PCSK2: variants seen among roughly 807,000 people sequenced by gnomAD.
PCSK2 encodes proprotein convertase subtilisin/kexin type 2.
PCSK2 carries 14 observed loss-of-function variants against 69.7 expected under a neutral mutation model. That is an observed-to-expected ratio of 0.20 (90% confidence interval 0.13 to 0.31). PCSK2 has a LOEUF of 0.31. Ranked by LOEUF, PCSK2 falls within the 10% of genes least tolerant of loss-of-function variation. PCSK2 has a pLI of 1.00. For missense variants in PCSK2, 544 were observed against 842.5 expected (o/e 0.65, Z 4.39); for synonymous variants, 307 against 320.7 (o/e 0.96, Z 0.46).
intron 5 of PCSK2, among the ~76,000 whole-genome samples, chr20:17,386,031 A>T (rs528074518): frequency 6.6e-6 from 1 of 152,350 alleles, no homozygotes; most frequent in East Asian, 1.9e-4. Context: ...ATGTGCACTG[A>T]TATGCTCAAA....
intron 5 of PCSK2, among the ~76,000 whole-genome samples, chr20:17,387,939 C>A (rs183103070): frequency 6.6e-6 from 1 of 152,250 alleles, no homozygotes; most frequent in Admixed American, 6.5e-5. Context: ...ATATGGAGAA[C>A]CAGATCTGGG....
intron 2 of PCSK2, among the ~76,000 whole-genome samples, chr20:17,305,945 A>G (rs755957838): frequency 6.6e-6 from 1 of 152,240 alleles, no homozygotes; most frequent in Non-Finnish European, 1.5e-5. Flanking sequence ...ACTGTTAGGC[A>G]TTCGCATTGT....
chr20:17,335,427 T>TTGTGTGTGTGTGAG (rs1555789119), intron 2 of PCSK2, among the ~76,000 whole-genome samples: 5 of 139,192 alleles, frequency 3.6e-5, no homozygotes, highest in Non-Finnish European at 7.7e-5. Context: ...CAGCATCACT[T>TTGTGTGTGTGTGAG]TGTGTGTGTG....
At chr20:17,363,764 C>T (rs553964456) in intron 4 of PCSK2, among the ~76,000 whole-genome samples, 3 of 152,292 alleles carry the variant, frequency 2.0e-5, no homozygotes, top group South Asian at 4.1e-4. Flanking sequence ...GTAAAAACGA[C>T]GAACATTTAT....
chr20:17,413,156 G>C (rs60315018), intron 6 of PCSK2, among the ~76,000 whole-genome samples: 1 of 152,124 alleles, frequency 6.6e-6, no homozygotes, highest in Non-Finnish European at 1.5e-5. Context: ...ACATCATAAT[G>C]ACAGAATCAA....
chr20:17,419,890 G>A (rs931973290), intron 6 of PCSK2, among the ~76,000 whole-genome samples: 1 of 152,156 alleles, frequency 6.6e-6, no homozygotes, highest in East Asian at 1.9e-4. Context: ...CATTGGGGAC[G>A]CAGCATACTC....
rs17776501 is a variant in PCSK2, at chr20:17,342,303, C to T, written c.283-16024C>T. 7.3e-3 allele frequency among the ~76,000 whole-genome samples: 1,110 copies of T among 152,218 alleles called. 7 individuals are homozygous for T. Among genetic ancestry groups the T allele is most frequent in the Non-Finnish European group, 0.01 (681 of 68,008 alleles). The stretch of plus-strand genomic sequence containing the variant: ...ATTTAGTGTTAAGCAATCTATAACG[C>T]TCTTGTTTGTTTCTTTGCTTGTTTG... On this transcript the variant is annotated intron_variant, in intron 2 of 11. Transcript: ENST00000262545.
In PCSK2 at chr20:17,436,847, G is replaced by C; in HGVS notation, c.849G>C (p.Glu283Asp). 6.2e-7 allele frequency: 1 copy of C among 1,613,524 alleles called. No individual in the cohort carries two copies. Among genetic ancestry groups the C allele is most frequent in the Non-Finnish European group, 8.5e-7 (1 of 1,179,922 alleles). ...DNGKTVDGPR[E>D]LTLQAMADGV... ...GCAAGACAGTGGATGGGCCCCGGGA[G>C]CTCACGCTGCAGGCCATGGCCGATG... Residue 283 changes from glutamate to aspartate, a missense_variant, in exon 8 of 12, where the codon GAG (glutamate) becomes GAC (aspartate). Physicochemically the swap from Glu to Asp is conservative, Grantham distance 45 (BLOSUM62 2). Coordinates refer to ENST00000262545, the MANE Select transcript of PCSK2 (RefSeq NM_002594.5).
intron 2 of PCSK2, among the ~76,000 whole-genome samples, chr20:17,300,617 G>T (rs1989048760): frequency 6.6e-6 from 1 of 152,188 alleles, no homozygotes; most frequent in South Asian, 2.1e-4. Flanking sequence ...GAAGTAGAAA[G>T]GTGGTCAAGG....
At chr20:17,472,783 T>A (rs1483643331) in intron 11 of PCSK2, among the ~76,000 whole-genome samples, 1 of 152,176 alleles carries the variant, frequency 6.6e-6, no homozygotes, top group Non-Finnish European at 1.5e-5. Flanking sequence ...GCCAGGCTGG[T>A]GTCGAGCTCC....
intron 8 of PCSK2, among the ~76,000 whole-genome samples, chr20:17,439,132 T>C (rs916495476): frequency 2.0e-5 from 3 of 152,064 alleles, no homozygotes; most frequent in Non-Finnish European, 2.9e-5. Flanking sequence ...CTAGGTTTTC[T>C]TCTACCTTTT....
chr20:17,408,473 G>C lies in PCSK2; in HGVS notation c.544-790G>C, dbSNP rs1600555902. 2.0e-5 allele frequency among the ~76,000 whole-genome samples: 3 copies of C among 152,240 alleles called. No homozygotes were observed. The East Asian group carries it at 5.8e-4, about 29-fold the overall frequency. ...TTTTATGTGGGGAAAGATTCTCAGTGGGAAAAAGGAAGGTGCTGGATGACA... is the reference window on the plus strand; with the variant it reads ...TTTTATGTGGGGAAAGATTCTCAGTCGGAAAAAGGAAGGTGCTGGATGACA... On this transcript the variant is annotated intron_variant, in intron 5 of 11. Transcript: ENST00000262545.
At chr20:17,247,568 G>T (rs924765095) in intron 1 of PCSK2, among the ~76,000 whole-genome samples, 1 of 152,196 alleles carries the variant, frequency 6.6e-6, no homozygotes, top group African/African-American at 2.4e-5. Context: ...CACAAAGAAA[G>T]CAGCCAAAGG....
rs2032854803 is a variant in PCSK2, at chr20:17,453,003, T to C, written c.886-739T>C. 6.6e-6 allele frequency among the ~76,000 whole-genome samples: 1 copy of C among 152,252 alleles called. No homozygotes were observed. The highest frequency in any genetic ancestry group is 2.1e-4 in the South Asian group (1 of 4,836). On this transcript the variant is annotated intron_variant, in intron 8 of 11. Coordinates refer to ENST00000262545, the MANE Select transcript of PCSK2 (RefSeq NM_002594.5). The surrounding 1 kb of genome is among the most constrained non-coding windows in gnomAD (Gnocchi z 4.0). ...TGTGTGTTTAAGGTTTTATTCACTGTGTGTTTTACTTGATCATATTAGACT... is the reference window on the plus strand; with the variant it reads ...TGTGTGTTTAAGGTTTTATTCACTGCGTGTTTTACTTGATCATATTAGACT...
chr20:17,314,377 G>A (rs978261888), intron 2 of PCSK2, among the ~76,000 whole-genome samples: 44 of 152,162 alleles, frequency 2.9e-4, no homozygotes, highest in African/African-American at 7.7e-4. Context: ...GAATCAAGCC[G>A]GGAGGATTTT....
chr20:17,403,306 G>T (rs1251025342), intron 5 of PCSK2, among the ~76,000 whole-genome samples: 2 of 152,220 alleles, frequency 1.3e-5, no homozygotes, highest in African/African-American at 4.8e-5. Flanking sequence ...ATTTAATATA[G>T]ACATAAATCC....
At chr20:17,400,045 A>G (rs1053461256) in intron 5 of PCSK2, among the ~76,000 whole-genome samples, 7 of 152,292 alleles carry the variant, frequency 4.6e-5, no homozygotes, top group Middle Eastern at 3.4e-3. Flanking sequence ...AATTTACTAA[A>G]TAAAACCATG....
intron 1 of PCSK2, among the ~76,000 whole-genome samples, chr20:17,249,842 G>A (rs140868166): frequency 1.3e-5 from 2 of 152,118 alleles, no homozygotes; most frequent in South Asian, 2.1e-4. Flanking sequence ...GGGCTGGGGG[G>A]GGAATGGAGA....
At chr20:17,387,763 A>G (rs1324813264) in intron 5 of PCSK2, among the ~76,000 whole-genome samples, 2 of 152,190 alleles carry the variant, frequency 1.3e-5, no homozygotes, top group Non-Finnish European at 2.9e-5. Context: ...TAGGATCCCA[A>G]CTGGGAGGCG....
Sources: allele counts gnomAD v4.1 joint callset (sites outside exome capture counted in the v4.1 genomes callset), GRCh38; gene constraint gnomAD v4.1.1; non-coding constraint Gnocchi (gnomAD v3.1); transcripts MANE v1.5; gene names NCBI Gene and HGNC (gene_info 2026-07-23, HGNC 2026-07-21).